Variants in PLA2G4A observed in about 807,000 individuals in gnomAD.
The protein encoded by PLA2G4A is phospholipase A2 group IVA.
Under a neutral mutation model 81.9 loss-of-function variants are expected in PLA2G4A, and 40 were observed. The ratio of observed to expected loss-of-function variants is 0.49; its 90% CI spans 0.38 to 0.64. The LOEUF (loss-of-function observed/expected upper bound fraction) is 0.64, where lower values mean the gene tolerates loss of function less well. Ranked by LOEUF, PLA2G4A falls within the 30% of genes least tolerant of loss-of-function variation. The probability of loss-of-function intolerance (pLI) is 0.00; values close to 1 mark genes in which losing one functional copy is unlikely to be tolerated. For synonymous variants in PLA2G4A, 302 were observed against 296.9 expected (o/e 1.02, Z -0.18); for missense variants, 715 against 905.1 (o/e 0.79, Z 2.69).
At chr1:186,930,909 A>C (rs184830097) in intron 7 of PLA2G4A, among the ~76,000 whole-genome samples, 71 of 152,286 alleles carry the variant, frequency 4.7e-4, no homozygotes, top group African/African-American at 1.7e-3. Context: ...CTGAGCACAT[A>C]GCAATGTTAA....
intron 1 of PLA2G4A, among the ~76,000 whole-genome samples, chr1:186,833,078 T>G (rs1571317741): frequency 6.6e-6 from 1 of 152,222 alleles, no homozygotes; most frequent in African/African-American, 2.4e-5. Flanking sequence ...GTAAAGAAGA[T>G]ATTGTTAGGA....
intron 7 of PLA2G4A, among the ~76,000 whole-genome samples, chr1:186,911,925 G>T (rs1571393299): frequency 6.6e-6 from 1 of 152,174 alleles, no homozygotes; most frequent in East Asian, 1.9e-4. Context: ...TGGGCAGTTG[G>T]AGGGGGAGGT....
chr1:186,830,966 C>G (rs1173435134), intron 1 of PLA2G4A, among the ~76,000 whole-genome samples: 1 of 65,308 alleles, frequency 1.5e-5, no homozygotes, highest in Non-Finnish European at 3.3e-5. Flanking sequence ...TGCTTTCTTT[C>G]TTTCTTTCTT....
At chr1:186,856,158 G>A (rs1652543530) in intron 2 of PLA2G4A, among the ~76,000 whole-genome samples, 1 of 151,914 alleles carries the variant, frequency 6.6e-6, no homozygotes, top group Admixed American at 6.6e-5. Flanking sequence ...CTACAGAGGA[G>A]AGATAATATG....
intron 3 of PLA2G4A, among the ~76,000 whole-genome samples, chr1:186,891,468 C>T (rs1654139717): frequency 1.3e-5 from 2 of 151,916 alleles, no homozygotes; most frequent in Non-Finnish European, 2.9e-5. Flanking sequence ...TACTACCCTT[C>T]CCAGCCTCTG....
intron 1 of PLA2G4A, among the ~76,000 whole-genome samples, chr1:186,839,378 CT>C (rs1381845647): frequency 1.3e-5 from 2 of 152,172 alleles, no homozygotes; most frequent in African/African-American, 4.8e-5. Context: ...CACTTTATTC[CT>C]GGTCCTGTCC....
intron 5 of PLA2G4A, among the ~76,000 whole-genome samples, chr1:186,900,322 T>C (rs1654491752): frequency 6.6e-6 from 1 of 152,176 alleles, no homozygotes; most frequent in Admixed American, 6.5e-5. Flanking sequence ...ATTAAATAGG[T>C]TAATGCGTAA....
chr1:186,848,465 G>A (rs1042296454), intron 1 of PLA2G4A, among the ~76,000 whole-genome samples: 8 of 152,132 alleles, frequency 5.3e-5, no homozygotes, highest in Non-Finnish European at 7.4e-5. Flanking sequence ...GCAGGAGAGA[G>A]ACTTTAACTC....
intron 6 of PLA2G4A, among the ~76,000 whole-genome samples, chr1:186,909,943 C>T (rs916132077): frequency 2.0e-5 from 3 of 152,048 alleles, no homozygotes; most frequent in African/African-American, 7.2e-5. Flanking sequence ...TTTTAACAAA[C>T]TTATATTCCC....
intron 3 of PLA2G4A, among the ~76,000 whole-genome samples, chr1:186,888,391 G>T (rs929363911): frequency 6.6e-6 from 1 of 152,030 alleles, no homozygotes; most frequent in South Asian, 2.1e-4. Context: ...TTCCCATCTG[G>T]TGCCTTCCAA....
rs1176721748 is a variant in PLA2G4A at position 186,837,749 on chromosome 1, AAAAGAAAAAG to A, written c.-70+8718_-70+8727del. Among the ~76,000 whole-genome samples, 17 of 148,358 alleles carry A rather than the reference AAAAGAAAAAG, an allele frequency of 1.1e-4. No individual in the cohort carries two copies. In the East Asian group the frequency reaches 2.9e-3, roughly 26 times the overall value. ...GAGACTCCGTCTCAAAAAAAAAAAA[AAAAGAAAAAG>A]AAAAGAAAAAAAGAAAATAAAGGAA... On this transcript the variant is annotated intron_variant, in intron 1 of 17. Transcript: ENST00000367466.
At chr1:186,830,076 A>G (rs1558337897) in intron 1 of PLA2G4A, among the ~76,000 whole-genome samples, 1 of 152,224 alleles carries the variant, frequency 6.6e-6, no homozygotes, top group Admixed American at 6.5e-5. Context: ...TAAGAATTTT[A>G]AAGTTACATT....
At chr1:186,831,618 T>G (rs2101991290) in intron 1 of PLA2G4A, among the ~76,000 whole-genome samples, 1 of 152,286 alleles carries the variant, frequency 6.6e-6, no homozygotes, top group Non-Finnish European at 1.5e-5. Context: ...TGATTAGTTT[T>G]TATAACACTA....
chr1:186,874,112 C>T (rs138605430), intron 3 of PLA2G4A, among the ~76,000 whole-genome samples: 267 of 152,212 alleles, frequency 1.8e-3, no homozygotes, highest in African/African-American at 6.1e-3. Context: ...TGATATGTAA[C>T]AAGCTACATG....
chr1:186,946,292 T>C (rs568147875), intron 10 of PLA2G4A, among the ~76,000 whole-genome samples: 2 of 152,262 alleles, frequency 1.3e-5, no homozygotes, highest in Admixed American at 6.5e-5. Context: ...TTCTGTATGC[T>C]CCATGAAATT....
intron 7 of PLA2G4A, among the ~76,000 whole-genome samples, chr1:186,919,146 G>T (rs1257030067): frequency 2.6e-5 from 4 of 152,220 alleles, no homozygotes; most frequent in Non-Finnish European, 5.9e-5. Flanking sequence ...CTTACAAAAG[G>T]CTTGCTGTTG....
At position 186,932,435 on chromosome 1, in the gene PLA2G4A, A is replaced by G. The variant is rs532912175; in HGVS notation, c.559-328A>G. Among the ~76,000 whole-genome samples the G allele has an allele frequency of 8.6e-5, 13 of 151,812 alleles. No homozygotes were observed. The South Asian group carries it at 2.5e-3, about 29-fold the overall frequency. On this transcript the variant is annotated intron_variant, in intron 7 of 17. Transcript: ENST00000367466. ...TTCAGCCTCCAAAGTAGCTCGGATT[A>G]CAGGCACCCGCCAGCACACCCAGCT...
chr1:186,888,819 G>T (rs1558403903), intron 3 of PLA2G4A, among the ~76,000 whole-genome samples: 1 of 134,770 alleles, frequency 7.4e-6, no homozygotes, highest in African/African-American at 2.8e-5. Flanking sequence ...GCTTGGCTTT[G>T]TTTTTTTTCT....
chr1:186,883,126 A>C (rs184137409), intron 3 of PLA2G4A, among the ~76,000 whole-genome samples: 3 of 152,210 alleles, frequency 2.0e-5, no homozygotes, highest in Admixed American at 1.3e-4. Context: ...TTGAGAGCAG[A>C]TTTAAGATTT....
Sources: gnomAD v4.1 joint callset for allele counts (sites outside exome capture counted in the v4.1 genomes callset) on GRCh38, gnomAD v4.1.1 for gene constraint, MANE v1.5 for transcripts, NCBI Gene and HGNC (gene_info 2026-07-23, HGNC 2026-07-21) for gene names.